Variants in CLIP1 observed in about 807,000 individuals in gnomAD.
CLIP1 encodes CAP-Gly domain-containing linker protein 1.
In CLIP1, 66 loss-of-function variants were observed where a neutral mutation model predicts 161.6. The observed-to-expected ratio is 0.41, with a 90% CI of 0.33 to 0.50. The LOEUF is 0.50. CLIP1 is among the 20% of genes least tolerant of loss of function. The pLI is 0.27. For missense variants in CLIP1, 1,376 were observed against 1,702.0 expected (o/e 0.81, Z 3.37); for synonymous variants, 598 against 626.2 (o/e 0.96, Z 0.67).
intron 17 of CLIP1, among the ~76,000 whole-genome samples, chr12:122,320,762 C>T (rs1049378969): frequency 4.6e-5 from 7 of 151,024 alleles, no homozygotes; most frequent in Non-Finnish European, 8.9e-5. Context: ...CAGGCTGGAG[C>T]GCAGTGGTGC....
At chr12:122,298,096 T>C (rs769709968) in intron 20 of CLIP1, among the ~76,000 whole-genome samples, 1 of 152,194 alleles carries the variant, frequency 6.6e-6, no homozygotes, top group Non-Finnish European at 1.5e-5. Context: ...AACTGCCTGA[T>C]CCTGTTTCTT....
chr12:122,313,183 G>A (rs193152850), intron 19 of CLIP1, among the ~76,000 whole-genome samples: 1 of 152,302 alleles, frequency 6.6e-6, no homozygotes, highest in African/African-American at 2.4e-5. Flanking sequence ...TCACTGACAG[G>A]AAGATGTGAT....
At chr12:122,354,425 C>T (rs772628804) in intron 7 of CLIP1, 28 bp downstream of exon 7, 20 of 1,584,110 alleles carry the variant, frequency 1.3e-5, no homozygotes, top group Non-Finnish European at 1.5e-5. Flanking sequence ...AAAGGCCACA[C>T]TTGCACCAGG....
chr12:122,349,644 T>A (rs1363254251), intron 9 of CLIP1, among the ~76,000 whole-genome samples: 3 of 152,208 alleles, frequency 2.0e-5, no homozygotes, highest in African/African-American at 7.2e-5. Context: ...TGTAAAATCA[T>A]TCCTTTCTTA....
chr12:122,279,024 C>G lies in CLIP1; in HGVS notation c.3765+4G>C, dbSNP rs765357892. On this transcript the variant is annotated splice_donor_region_variant and intron_variant, in intron 22 of 25. Coordinates refer to ENST00000620786, the MANE Select transcript of CLIP1 (RefSeq NM_001247997.2). This position sits in a 1 kb window ranked among gnomAD's most constrained non-coding sequence, Gnocchi z 4.5. ...AAGCTCGTGCACCCTGGGTGGTACT[C>G]TACCTCATTTCTCAGTTTCTCCAGC... The G allele has an allele frequency of 3.1e-6, 5 of 1,611,334 alleles. No homozygotes were observed. The Admixed American group carries it at 6.7e-5, about 22-fold the overall frequency.
At position 122,364,100 on chromosome 12, in the gene CLIP1, C is replaced by A. The variant is rs748907267; in HGVS notation, c.665G>T (p.Gly222Val). ...LKIGDRVLVG[G>V]TKAGVVRFLG... ...AAACCGGACTACACCAGCCTTAGTG[C>A]CACCAACCTGGAAGAAGAGAAGGTT... is the stretch of plus-strand genomic sequence containing the variant. The change falls in exon 4 of 26, where the codon GGC becomes GTC. Residue 222 changes from glycine (G) to valine (V), a missense_variant. Physicochemically the swap from Gly to Val is moderately radical, Grantham distance 109. Coordinates refer to ENST00000620786, the MANE Select transcript of CLIP1 (RefSeq NM_001247997.2). 9 of 1,613,998 alleles carry A rather than the reference C, an allele frequency of 5.6e-6. No individual in the cohort carries two copies. Among genetic ancestry groups the A allele is most frequent in the Admixed American group, 1.7e-5 (1 of 59,992 alleles).
chr12:122,355,347 A>G lies in CLIP1; in HGVS notation c.1006-35T>C. On this transcript the variant is annotated intron_variant, in intron 5 of 25. Coordinates refer to ENST00000620786, the MANE Select transcript of CLIP1 (RefSeq NM_001247997.2). The surrounding 1 kb of genome is among the most constrained non-coding windows in gnomAD (Gnocchi z 4.1). ...AAAGTTAGAGAAATGAAGGGCGATG[A>G]TGCTGTCAGAAAAGCGAGGGAGGCG... 1 of 1,590,878 alleles carries G rather than the reference A, an allele frequency of 6.3e-7. No homozygotes were observed. The highest frequency in any genetic ancestry group is 1.1e-5 in the South Asian group (1 of 90,138).
intron 21 of CLIP1, among the ~76,000 whole-genome samples, chr12:122,284,744 C>T (rs1000212451): frequency 1.3e-5 from 2 of 152,028 alleles, no homozygotes; most frequent in African/African-American, 2.4e-5. Flanking sequence ...ATAAGGACTT[C>T]ATCATTAAGT....
intron 1 of CLIP1, among the ~76,000 whole-genome samples, chr12:122,418,350 G>A (rs548251754): frequency 6.6e-6 from 1 of 152,190 alleles, no homozygotes; most frequent in African/African-American, 2.4e-5. Flanking sequence ...TACTGCAAAA[G>A]AGAACTATAG....
Position 122,341,137 on chromosome 12 carries a change from A to C in CLIP1, c.2067T>G (p.Ala689=), listed in dbSNP as rs1952477899. 2.5e-6 allele frequency: 4 copies of C among 1,614,086 alleles called. No individual in the cohort carries two copies. Among genetic ancestry groups the C allele is most frequent in the Non-Finnish European group, 3.4e-6 (4 of 1,180,026 alleles). Residue 689 remains alanine (A), a synonymous_variant, in exon 11 of 26, where the codon GCT becomes GCG. Coordinates refer to ENST00000620786, the MANE Select transcript of CLIP1 (RefSeq NM_001247997.2). ...NQQDSERAAH[A]KEMEALRAKL... ...TAGCCCTCAAGGCTTCCATCTCTTT[A>C]GCATGGGCAGCCCGTTCAGAGTCTT...
intron 9 of CLIP1, among the ~76,000 whole-genome samples, chr12:122,348,532 C>G (rs77479494): frequency 6.6e-6 from 1 of 152,108 alleles, no homozygotes; most frequent in Non-Finnish European, 1.5e-5. Context: ...CCCACCATTA[C>G]GCACTTGGAT....
intron 1 of CLIP1, among the ~76,000 whole-genome samples, chr12:122,391,706 CCAA>C (rs1229329248): frequency 6.6e-6 from 1 of 152,142 alleles, no homozygotes; most frequent in African/African-American, 2.4e-5. Context: ...ATTCTTCCTC[CCAA>C]CAACACAAAA....
chr12:122,340,967 TC>T lies in CLIP1; in HGVS notation c.2236del (p.Glu746ArgfsTer45). ...TTCATTGCATTTGGCTTGCAGTACC[TC>T]TAGCTCCTTTACCTTTATTTCAGCT... Reference protein sequence around the residue: ...QEAEIKVKELEVLQAKCNEQT... With the variant: ...QEAEIKVKELXVLQAKCNEQT... On this transcript the variant is annotated frameshift_variant, in exon 11 of 26. Transcript: ENST00000620786. LOFTEE classifies it high-confidence loss of function. 1 of 1,614,210 alleles carries T rather than the reference TC, an allele frequency of 6.2e-7. No individual in the cohort carries two copies. Among genetic ancestry groups the T allele is most frequent in the Non-Finnish European group, 8.5e-7 (1 of 1,180,040 alleles).
chr12:122,358,215 T>G (rs1171727683), intron 5 of CLIP1, among the ~76,000 whole-genome samples: 6 of 151,210 alleles, frequency 4.0e-5, no homozygotes, highest in Admixed American at 6.6e-5. Context: ...CAAGATGTGC[T>G]TTGTTAAACA....
In CLIP1 at chr12:122,328,094, A is replaced by T; in HGVS notation, c.3102T>A (p.Ser1034=). The change falls in exon 17 of 26, where the codon TCT becomes TCA. Residue 1034 remains serine (S), a synonymous_variant. Transcript: ENST00000620786. The part of the protein sequence containing the change: ...ELKARYERAT[S]ETKTKHEEIL... ...TTTCTTCATGCTTGGTTTTTGTCTC[A>T]GAAGTGGCTCTCTCATACCTGGCTT... 1 of 1,614,134 alleles carries T rather than the reference A, an allele frequency of 6.2e-7. No individual in the cohort carries two copies. The highest frequency in any genetic ancestry group is 8.5e-7 in the Non-Finnish European group (1 of 1,180,034).
chr12:122,353,204 G>T (rs953100442), intron 7 of CLIP1, among the ~76,000 whole-genome samples: 1 of 152,116 alleles, frequency 6.6e-6, no homozygotes, highest in Non-Finnish European at 1.5e-5. Context: ...AATTAGCCAG[G>T]TGTGGCAGCG....
chr12:122,367,165 T>C (rs991882863), intron 3 of CLIP1, among the ~76,000 whole-genome samples: 13 of 152,180 alleles, frequency 8.5e-5, no homozygotes, highest in African/African-American at 3.1e-4. Flanking sequence ...TAGTCAACAA[T>C]TCTCCAAGCA....
intron 7 of CLIP1, 38 bp downstream of exon 7, chr12:122,354,415 A>T: frequency 6.5e-7 from 1 of 1,533,750 alleles, no homozygotes; most frequent in South Asian, 1.1e-5. Context: ...AAAAAGGGGG[A>T]AAGGCCACAC....
Position 122,272,729 on chromosome 12 carries a change from G to A in CLIP1, c.*146C>T, listed in dbSNP as rs1228717051. ...ATACGGGGAGACTAAAGGGCAATTT[G>A]TTGAAGATCAAAATATTTTCCTAGA... is the stretch of plus-strand genomic sequence containing the variant. On this transcript the variant is annotated 3_prime_UTR_variant, in exon 26 of 26. Transcript: ENST00000620786. The A allele has an allele frequency of 1.5e-6, 1 of 685,638 alleles. No homozygotes were observed. Among genetic ancestry groups the A allele is most frequent in the Non-Finnish European group, 2.5e-6 (1 of 393,718 alleles). 42.5% of individuals were successfully genotyped at this position (685,638 alleles called of 1,614,324 possible).
Sources: gnomAD v4.1 joint callset for allele counts (sites outside exome capture counted in the v4.1 genomes callset) on GRCh38, gnomAD v4.1.1 for gene constraint, Gnocchi (gnomAD v3.1) non-coding constraint, MANE v1.5 for transcripts, NCBI Gene and HGNC (gene_info 2026-07-23, HGNC 2026-07-21) for gene names.